The following DMD variants were observed in gnomAD, a reference collection of about 807,000 sequenced individuals.
DMD encodes the protein dystrophin.
Under a neutral mutation model 330.1 loss-of-function variants are expected in DMD, and 63 were observed. That is an observed-to-expected ratio of 0.19 (90% CI 0.16 to 0.24). DMD has a LOEUF of 0.24. Ranked by LOEUF, DMD falls within the 10% of genes least tolerant of loss-of-function variation. The pLI, the probability that DMD is intolerant of heterozygous loss-of-function variation, is 1.00. For missense variants in DMD, 3,344 were observed against 2,684.1 expected (o/e 1.25, Z -5.43); for synonymous variants, 1,223 against 959.8 (o/e 1.27, Z -5.07).
chrX:32,000,650 T>G (rs899987017), intron 44 of DMD, among the ~76,000 whole-genome samples: 1 of 111,717 alleles, frequency 9.0e-6, no homozygotes, highest in Non-Finnish European at 1.9e-5. Flanking sequence ...TAGTAAAGCT[T>G]TAGCACTTGG....
intron 43 of DMD, among the ~76,000 whole-genome samples, chrX:32,276,560 C>T (rs2097388920): frequency 9.0e-6 from 1 of 111,676 alleles, no homozygotes; most frequent in African/African-American, 3.3e-5. Context: ...GGATAGGGCA[C>T]TGGACAGTGT....
intron 7 of DMD, among the ~76,000 whole-genome samples, chrX:32,701,235 C>T (rs1440168811): frequency 2.7e-5 from 3 of 111,871 alleles, no homozygotes; most frequent in Non-Finnish European, 3.8e-5. Flanking sequence ...CAGACTGTTA[C>T]ATCATCTCCC....
At chrX:32,585,693 C>T (rs1309522946) in intron 13 of DMD, among the ~76,000 whole-genome samples, 2 of 35,019 alleles carry the variant, frequency 5.7e-5, no homozygotes, top group African/African-American at 9.7e-5. Context: ...GAGCAGGACT[C>T]CGTCTCAAAA....
chrX:33,153,554 T>C (rs986714178), intron 1 of DMD, among the ~76,000 whole-genome samples: 1 of 112,803 alleles, frequency 8.9e-6, no homozygotes, highest in African/African-American at 3.2e-5. Context: ...ATTTAAAACG[T>C]ATGAAAACTG....
At chrX:32,602,472 G>T (rs1015733137) in intron 12 of DMD, among the ~76,000 whole-genome samples, 1 of 111,750 alleles carries the variant, frequency 8.9e-6, no homozygotes, top group African/African-American at 3.2e-5. Context: ...TTCAGGCAGA[G>T]CACAGAGGAA....
intron 55 of DMD, among the ~76,000 whole-genome samples, chrX:31,585,716 TTTTGC>T (rs1231048993): frequency 1.8e-5 from 2 of 111,073 alleles, no homozygotes; most frequent in African/African-American, 3.3e-5. Flanking sequence ...CCTAAATTGT[TTTTGC>T]TTTTTAATGG....
rs370672967 is a variant in DMD at position 31,657,945 on chromosome X, C to T, written c.8027+45G>A. ...CATGGTCCATCCAGTTTCACCACCC[C>T]ATTATTACAGCCAACAGTAGTTTTA... On this transcript the variant is annotated intron_variant, in intron 54 of 78. Coordinates refer to ENST00000357033, the MANE Select transcript of DMD (RefSeq NM_004006.3). 63 of 1,168,058 alleles carry T rather than the reference C, an allele frequency of 5.4e-5. No homozygotes were observed. The African/African-American group carries it at 7.1e-4, about 13-fold the overall frequency.
intron 60 of DMD, among the ~76,000 whole-genome samples, chrX:31,350,628 T>TGA (rs1399768420): frequency 5.9e-3 from 308 of 52,637 alleles, no homozygotes; most frequent in African/African-American, 0.014. Context: ...TGTGTGTGTG[T>TGA]GTGTGAGAGA....
chrX:32,574,005 G>T (rs2052734405), intron 13 of DMD, among the ~76,000 whole-genome samples, 159 bp from the exon 14 acceptor site: 1 of 112,188 alleles, frequency 8.9e-6, no homozygotes, highest in African/African-American at 3.2e-5. Flanking sequence ...AATAAGTGGT[G>T]TGACTGTCAT....
intron 44 of DMD, among the ~76,000 whole-genome samples, chrX:32,137,156 C>T (rs1476782707): frequency 2.7e-5 from 3 of 111,721 alleles, no homozygotes; most frequent in African/African-American, 9.7e-5. Flanking sequence ...TTAAACTATA[C>T]AAGTTAATCT....
intron 18 of DMD, among the ~76,000 whole-genome samples, chrX:32,509,565 T>C (rs2045058888): frequency 8.9e-6 from 1 of 111,909 alleles, no homozygotes; most frequent in Non-Finnish European, 1.9e-5. Flanking sequence ...ATCTATTCTC[T>C]TACTCAGTCC....
chrX:33,070,096 A>G (rs1183083954), intron 1 of DMD, among the ~76,000 whole-genome samples: 2 of 111,953 alleles, frequency 1.8e-5, no homozygotes, highest in Non-Finnish European at 3.8e-5. Context: ...GGTTGCTGGA[A>G]AAAGCCTGCT....
intron 1 of DMD, among the ~76,000 whole-genome samples, chrX:33,261,735 T>G (rs1266938456): frequency 9.2e-6 from 1 of 108,849 alleles, no homozygotes; most frequent in Non-Finnish European, 1.9e-5. Flanking sequence ...TTCTAATTAA[T>G]TATCACCACA....
At chrX:31,699,696 A>C (rs2083670687) in intron 52 of DMD, among the ~76,000 whole-genome samples, 1 of 111,755 alleles carries the variant, frequency 8.9e-6, no homozygotes, top group African/African-American at 3.3e-5. Flanking sequence ...AATGACATGC[A>C]TGTTGAAGAA....
intron 45 of DMD, among the ~76,000 whole-genome samples, chrX:31,935,956 A>C (rs2094918898): frequency 9.0e-6 from 1 of 110,987 alleles, no homozygotes; most frequent in African/African-American, 3.3e-5. Flanking sequence ...TACAGAGGAG[A>C]GATGTTGTGC....
At chrX:32,009,700 A>G (rs189110041) in intron 44 of DMD, among the ~76,000 whole-genome samples, 1 of 111,855 alleles carries the variant, frequency 8.9e-6, no homozygotes, top group Non-Finnish European at 1.9e-5. Context: ...GGCTCCTTGG[A>G]GTTCTTCAAA....
intron 9 of DMD, among the ~76,000 whole-genome samples, chrX:32,679,338 T>G (rs1283529801): frequency 1.0e-5 from 1 of 99,068 alleles, no homozygotes; most frequent in Non-Finnish European, 2.0e-5. Context: ...GAGGTTTTGG[T>G]TTTTTTTTTT....
intron 51 of DMD, among the ~76,000 whole-genome samples, chrX:31,754,730 T>C (rs1467517992): frequency 8.9e-6 from 1 of 111,904 alleles, no homozygotes; most frequent in Non-Finnish European, 1.9e-5. Context: ...ATCTTTGTTA[T>C]TGTGAATATC....
At chrX:32,198,573 A>G (rs1569550378) in intron 44 of DMD, among the ~76,000 whole-genome samples, 2 of 111,942 alleles carry the variant, frequency 1.8e-5, no homozygotes, top group African/African-American at 3.2e-5. Context: ...CTTATTCACT[A>G]ATCTTATTCC....
Sources: allele counts gnomAD v4.1 joint callset (sites outside exome capture counted in the v4.1 genomes callset), GRCh38; gene constraint gnomAD v4.1.1; transcripts MANE v1.5; gene names NCBI Gene and HGNC (gene_info 2026-07-23, HGNC 2026-07-21).